The following PSMA1 variants were observed in gnomAD, a reference collection of about 807,000 sequenced individuals.
The protein encoded by PSMA1 is proteasome 20S subunit alpha 1.
PSMA1 carries 3 observed loss-of-function variants against 38.4 expected under a neutral mutation model. The ratio of observed to expected loss-of-function variants is 0.08; its 90% CI spans 0.04 to 0.20. PSMA1 has a LOEUF of 0.20. Among genes scored for constraint, PSMA1 ranks in the 10% least tolerant of loss-of-function variants. PSMA1 has a pLI of 1.00. For missense variants in PSMA1, 227 were observed against 325.3 expected (o/e 0.70, Z 2.32); for synonymous variants, 101 against 107.1 (o/e 0.94, Z 0.35).
At chr11:14,611,139 C>T in exon 2 of PSMA1, 2 of 666,966 alleles carry the variant, frequency 3.0e-6, no homozygotes, top group Non-Finnish European at 5.3e-6. Flanking sequence ...ATGCTTTTTG[C>T]AGGGTGGAAT....
chr11:14,559,550 C>A (rs994129723), intron 2 of PSMA1, among the ~76,000 whole-genome samples: 7 of 152,034 alleles, frequency 4.6e-5, no homozygotes, highest in African/African-American at 1.7e-4. Flanking sequence ...AACCAGAGAG[C>A]AGAAGGGGAT....
chr11:14,555,263 C>T (rs146803353), intron 2 of PSMA1, among the ~76,000 whole-genome samples: 4 of 152,314 alleles, frequency 2.6e-5, no homozygotes, highest in Non-Finnish European at 5.9e-5. Context: ...ATGCTTGCTG[C>T]TAAAAAGCTC....
chr11:14,574,498 G>GT (rs2134179967), intron 2 of PSMA1, among the ~76,000 whole-genome samples: 1 of 152,322 alleles, frequency 6.6e-6, no homozygotes, highest in Non-Finnish European at 1.5e-5. Flanking sequence ...AAGACGTATG[G>GT]TGATATGGTT....
intron 7 of PSMA1, 36 bp downstream of exon 7, chr11:14,513,534 A>C: frequency 2.7e-5 from 1 of 37,378 alleles, no homozygotes; most frequent in South Asian, 7.1e-4. Flanking sequence ...GGAAAAGGCA[A>C]AAAAAAAAAA....
rs556337435 is a variant in PSMA1 at position 14,573,146 on chromosome 11, C to T, written c.21+37820G>A. Among the ~76,000 whole-genome samples the T allele has an allele frequency of 1.1e-4, 17 of 152,246 alleles. No individual in the cohort carries two copies. In the East Asian group the frequency reaches 2.5e-3, roughly 22 times the overall value. ...TTCCAATCAACAGAAAAAGAGAATC[C>T]TCCCTAACTCATTTTATGAGGCCAG... On this transcript the variant is annotated intron_variant, in intron 2 of 10. Coordinates refer to the PSMA1 transcript ENST00000418988.
At chr11:14,638,708 G>A (rs1853159442) in intron 1 of PSMA1, among the ~76,000 whole-genome samples, 1 of 140,860 alleles carries the variant, frequency 7.1e-6, no homozygotes, top group Non-Finnish European at 1.5e-5. Flanking sequence ...CCTGTAGATT[G>A]CTTGGCCTGG....
intron 2 of PSMA1, among the ~76,000 whole-genome samples, chr11:14,590,540 A>C (rs1257830479): frequency 6.6e-6 from 1 of 152,200 alleles, no homozygotes; most frequent in African/African-American, 2.4e-5. Context: ...AGTGGGACTA[A>C]TGAACAGGGG....
chr11:14,520,510 G>A, upstream of PSMA1: 2 of 1,422,350 alleles, frequency 1.4e-6, no homozygotes, highest in Non-Finnish European at 1.8e-6. Flanking sequence ...GCGGAGCCTC[G>A]GAAGATCTAG....
intron 2 of PSMA1, among the ~76,000 whole-genome samples, chr11:14,607,097 C>T (rs1379378089): frequency 6.6e-6 from 1 of 152,170 alleles, no homozygotes; most frequent in Non-Finnish European, 1.5e-5. Context: ...TTCTTCCAAA[C>T]TTATCAATAA....
At chr11:14,536,324 C>T (rs954316285) in intron 2 of PSMA1, among the ~76,000 whole-genome samples, 2 of 152,036 alleles carry the variant, frequency 1.3e-5, no homozygotes, top group Non-Finnish European at 2.9e-5. Flanking sequence ...GTCAAGAATT[C>T]GAAACCAGCC....
chr11:14,528,668 A>G (rs1394301781), intron 2 of PSMA1, among the ~76,000 whole-genome samples: 1 of 152,204 alleles, frequency 6.6e-6, no homozygotes. Flanking sequence ...TCATATCCCC[A>G]GTGACCTGCA....
intron 1 of PSMA1, among the ~76,000 whole-genome samples, chr11:14,617,922 T>C (rs943845890): frequency 4.7e-4 from 71 of 152,242 alleles, no homozygotes; most frequent in African/African-American, 1.6e-3. Flanking sequence ...GTCAACCTGG[T>C]TTTGAAAATC....
Position 14,514,500 on chromosome 11 carries a change from G to A in PSMA1, c.255-9C>T, listed in dbSNP as rs1246829601. 3.9e-6 allele frequency: 6 copies of A among 1,532,416 alleles called. No individual in the cohort carries two copies. The highest frequency in any genetic ancestry group is 4.7e-5 in the Admixed American group (2 of 42,966). The allele number at this position is 1,532,416 out of a possible 1,614,324, so 94.9% of individuals were successfully genotyped here. On this transcript the variant is annotated splice_polypyrimidine_tract_variant and intron_variant, in intron 4 of 9. Coordinates refer to ENST00000396394, the MANE Select transcript of PSMA1 (RefSeq NM_002786.4). ...CCTGACGCATAAAATTACTAAAAAAGAAACAAAAAAAGTTTAGTAATTTCA... is the reference window on the plus strand; with the variant it reads ...CCTGACGCATAAAATTACTAAAAAAAAAACAAAAAAAGTTTAGTAATTTCA...
intron 1 of PSMA1, among the ~76,000 whole-genome samples, chr11:14,625,843 G>A (rs188108769): frequency 2.6e-5 from 4 of 152,178 alleles, no homozygotes; most frequent in East Asian, 1.9e-4. Context: ...TCACTTGCAC[G>A]TCTAATTCTG....
chr11:14,592,120 G>A (rs1031508866), intron 2 of PSMA1, among the ~76,000 whole-genome samples: 1 of 151,848 alleles, frequency 6.6e-6, no homozygotes, highest in South Asian at 2.1e-4. Flanking sequence ...CCACGAACCC[G>A]CCACAAGGAA....
chr11:14,549,848 T>C (rs1361011689), intron 2 of PSMA1, among the ~76,000 whole-genome samples: 1 of 152,212 alleles, frequency 6.6e-6, no homozygotes, highest in Admixed American at 6.5e-5. Flanking sequence ...GCCATGAGAA[T>C]GTGAACAGAT....
At position 14,573,739 on chromosome 11, in the gene PSMA1, G is replaced by C. The variant is rs1162454461; in HGVS notation, c.21+37227C>G. Among the ~76,000 whole-genome samples, 4 of 152,146 alleles carry C rather than the reference G, an allele frequency of 2.6e-5. No individual in the cohort carries two copies. The East Asian group carries it at 7.7e-4, about 29-fold the overall frequency. On this transcript the variant is annotated intron_variant, in intron 2 of 10. Coordinates refer to the PSMA1 transcript ENST00000418988. ...AGTCAAATTGTACTTGTTTGCAGAT[G>C]ACATGATTGTATATCCAGAAAACCC...
chr11:14,529,284 T>G (rs1355435293), intron 2 of PSMA1, among the ~76,000 whole-genome samples: 1 of 152,332 alleles, frequency 6.6e-6, no homozygotes, highest in African/African-American at 2.4e-5. Flanking sequence ...ACTGGTACAT[T>G]GAACAAATAG....
intron 1 of PSMA1, among the ~76,000 whole-genome samples, chr11:14,639,429 A>G (rs1853170584): frequency 6.6e-6 from 1 of 152,228 alleles, no homozygotes; most frequent in Admixed American, 6.5e-5. Flanking sequence ...AGTCTGATTT[A>G]TTAAAATAGT....
Sources: allele counts gnomAD v4.1 joint callset (sites outside exome capture counted in the v4.1 genomes callset), GRCh38; gene constraint gnomAD v4.1.1; transcripts MANE v1.5; gene names NCBI Gene and HGNC (gene_info 2026-07-23, HGNC 2026-07-21).